ADGRA1: variants seen among roughly 807,000 people sequenced by gnomAD.
ADGRA1 encodes the protein adhesion G protein-coupled receptor A1, also known as G-protein coupled receptor 123.
In ADGRA1, 12 loss-of-function variants were observed where a neutral mutation model predicts 21.3. The observed-to-expected ratio is 0.56, with a 90% confidence interval of 0.36 to 0.91. The LOEUF (loss-of-function observed/expected upper bound fraction) is 0.91. Among genes scored for constraint, ADGRA1 ranks in the 40% least tolerant of loss-of-function variants. The pLI, the probability that ADGRA1 is intolerant of heterozygous loss-of-function variation, is 0.01. For missense variants in ADGRA1, 790 were observed against 805.6 expected, an observed-to-expected ratio of 0.98 and a Z score of 0.23; for synonymous variants, 385 against 368.8, an observed-to-expected ratio of 1.04 and a Z score of -0.50.
intron 2 of ADGRA1, among the ~76,000 whole-genome samples, chr10:133,096,625 G>A (rs951966440): frequency 6.6e-6 from 1 of 152,216 alleles, no homozygotes; most frequent in Non-Finnish European, 1.5e-5. Flanking sequence ...CTGGCCACCC[G>A]CAGGCCACGG....
chr10:133,104,559 C>G (rs555899933), intron 5 of ADGRA1, among the ~76,000 whole-genome samples: 2 of 152,290 alleles, frequency 1.3e-5, no homozygotes, highest in South Asian at 4.1e-4. Context: ...GCCATGGTGC[C>G]GAGGCGACTG....
chr10:133,097,397 TG>T (rs1851706664), intron 3 of ADGRA1, among the ~76,000 whole-genome samples: 1 of 152,124 alleles, frequency 6.6e-6, no homozygotes, highest in Non-Finnish European at 1.5e-5. Flanking sequence ...CAGAAATAGG[TG>T]TGGTGTCCGT....
In ADGRA1 at chr10:133,129,080, C is replaced by T. The variant is rs1228715480; in HGVS notation, c.1252C>T (p.Gln418Ter). The T allele has an allele frequency of 1.9e-6, 3 of 1,549,496 alleles. No individual in the cohort carries two copies. The highest frequency in any genetic ancestry group is 2.6e-6 in the Non-Finnish European group (3 of 1,144,940). The part of the protein sequence containing the change: ...GHDPHLHGCL[Q>*]GRTKPPYFSR... The stretch of plus-strand genomic sequence containing the variant: ...CGACCCCCACCTGCACGGGTGCCTT[C>T]AGGGCAGAACTAAGCCGCCCTACTT... Residue 418 changes from glutamine (Q) to a stop codon, truncating the protein, a stop_gained, in exon 7 of 7, where the codon CAG becomes TAG. Coordinates refer to ENST00000392607, the MANE Select transcript of ADGRA1 (RefSeq NM_001083909.3). LOFTEE classifies it low-confidence loss of function (END_TRUNC).
At chr10:133,105,241 C>T (rs892248784) in intron 5 of ADGRA1, among the ~76,000 whole-genome samples, 5 of 152,238 alleles carry the variant, frequency 3.3e-5, no homozygotes, top group African/African-American at 1.2e-4. Context: ...AATGCCCACA[C>T]CACTTCCTGC....
At chr10:133,114,095 A>C in intron 5 of ADGRA1, among the ~76,000 whole-genome samples, 1 of 152,214 alleles carries the variant, frequency 6.6e-6, no homozygotes, top group Non-Finnish European at 1.5e-5. Flanking sequence ...TGGCTGAGGA[A>C]GGGAGGAGGT....
chr10:133,115,107 C>T (rs112186447), intron 5 of ADGRA1, among the ~76,000 whole-genome samples: 6 of 152,172 alleles, frequency 3.9e-5, no homozygotes, highest in African/African-American at 1.4e-4. Flanking sequence ...TCGAGAGGGT[C>T]CCGGAAGGGC....
At chr10:133,091,996 C>T (rs1851603400) in intron 2 of ADGRA1, among the ~76,000 whole-genome samples, 1 of 152,164 alleles carries the variant, frequency 6.6e-6, no homozygotes, top group South Asian at 2.1e-4. Flanking sequence ...TGAAGAGAAC[C>T]AGGATCGGGT....
At chr10:133,097,702 A>C (rs1252540482) in intron 3 of ADGRA1, among the ~76,000 whole-genome samples, 1 of 152,228 alleles carries the variant, frequency 6.6e-6, no homozygotes, top group Non-Finnish European at 1.5e-5. Flanking sequence ...GGGCTGCTGC[A>C]GCAGAACACG....
In ADGRA1 at chr10:133,128,995, C is replaced by A; in HGVS notation, c.1167C>A (p.Cys389Ter). Reference sequence around the variant, plus strand: ...CCCCGTGCTGCGCCAAGATGCACTGCGAGCCACTGACGGCGGACGAGGCGC... The same window carrying A: ...CCCCGTGCTGCGCCAAGATGCACTGAGAGCCACTGACGGCGGACGAGGCGC... Reference protein sequence around the residue: ...PATPCCAKMHCEPLTADEAHV... With the variant: ...PATPCCAKMH Residue 389 changes from cysteine to a stop codon, truncating the protein, a stop_gained, in exon 7 of 7, where the codon TGC (cysteine) becomes TGA (stop). Transcript: ENST00000392607. LOFTEE classifies it low-confidence loss of function (END_TRUNC). 6.4e-7 allele frequency: 1 copy of A among 1,566,434 alleles called. No homozygotes were observed. Among genetic ancestry groups the A allele is most frequent in the South Asian group, 1.2e-5 (1 of 85,708 alleles).
In ADGRA1 at chr10:133,128,610, T is replaced by G; in HGVS notation, c.782T>G (p.Phe261Cys). Residue 261 changes from phenylalanine to cysteine, a missense_variant, in exon 7 of 7, where the codon TTC becomes TGC. Phe to Cys is a radical substitution (Grantham distance 205). This residue lies in a region of ADGRA1 where 382 missense variants were observed against 415.6 expected (regional missense o/e 0.92). Coordinates refer to ENST00000392607, the MANE Select transcript of ADGRA1 (RefSeq NM_001083909.3). ...CAGGCACAGCTGCGCGCCGCCGCCT[T>G]CACGCTGTTCCTGTTCACGGCCACG... ...SFQAQLRAAA[F>C]TLFLFTATWA... 6.2e-7 allele frequency: 1 copy of G among 1,603,508 alleles called. No individual in the cohort carries two copies. Among genetic ancestry groups the G allele is most frequent in the Non-Finnish European group, 8.5e-7 (1 of 1,176,980 alleles).
intron 3 of ADGRA1, 131 bp from the exon 4 acceptor site, chr10:133,098,509 G>A (rs992285227): frequency 4.4e-5 from 49 of 1,116,182 alleles, no homozygotes; most frequent in Middle Eastern, 3.0e-4. Context: ...CCGGGTCCTC[G>A]GACAGCTGCC....
chr10:133,094,227 T>G (rs2135865681), intron 2 of ADGRA1, among the ~76,000 whole-genome samples: 1 of 152,356 alleles, frequency 6.6e-6, no homozygotes, highest in Admixed American at 6.5e-5. Flanking sequence ...GCCTGCACCT[T>G]GCACTCGCGC....
At chr10:133,095,783 G>T in intron 2 of ADGRA1, 1 of 1,598,398 alleles carries the variant, frequency 6.3e-7, no homozygotes, top group South Asian at 1.1e-5. Context: ...CGACACAGGT[G>T]ACACTGCCTC....
At chr10:133,115,583 G>C (rs531887341) in intron 5 of ADGRA1, among the ~76,000 whole-genome samples, 12 of 152,330 alleles carry the variant, frequency 7.9e-5, no homozygotes, top group Non-Finnish European at 1.0e-4. Context: ...CCACCTCCTT[G>C]AAGACTTGGT....
At chr10:133,122,661 G>C (rs1351506004) in intron 5 of ADGRA1, among the ~76,000 whole-genome samples, 1 of 152,220 alleles carries the variant, frequency 6.6e-6, no homozygotes, top group African/African-American at 2.4e-5. Flanking sequence ...TGCTGTCTTG[G>C]CCGGACACAC....
chr10:133,129,798 G>T lies in ADGRA1; in HGVS notation c.*287G>T, dbSNP rs953289233. On this transcript the variant is annotated 3_prime_UTR_variant, in exon 7 of 7. Transcript: ENST00000392607. ...AATTCCGCGTGCTGGTCCCGCACAC[G>T]GTCATCCGGTTTCTGTCCTGTGGTC... 4 of 403,962 alleles carry T rather than the reference G, an allele frequency of 9.9e-6. No homozygotes were observed. The highest frequency in any genetic ancestry group is 1.4e-5 in the Non-Finnish European group (3 of 218,118). 25.0% of individuals were successfully genotyped at this position (403,962 alleles called of 1,614,324 possible).
At chr10:133,115,494 G>A (rs1314596001) in intron 5 of ADGRA1, among the ~76,000 whole-genome samples, 2 of 152,182 alleles carry the variant, frequency 1.3e-5, no homozygotes, top group Admixed American at 1.3e-4. Context: ...CAAAGGACAT[G>A]GTAGATCGGG....
At position 133,128,985 on chromosome 10, in the gene ADGRA1, A is replaced by T; in HGVS notation, c.1157A>T (p.Lys386Met). 6.4e-7 allele frequency: 1 copy of T among 1,565,882 alleles called. No individual in the cohort carries two copies. Among genetic ancestry groups the T allele is most frequent in the Middle Eastern group, 1.7e-4 (1 of 5,964 alleles). The change falls in exon 7 of 7, where the codon AAG (lysine) becomes ATG (methionine). Residue 386 changes from lysine to methionine, a missense_variant. Coordinates refer to ENST00000392607, the MANE Select transcript of ADGRA1 (RefSeq NM_001083909.3). ...CLSPATPCCA[K>M]MHCEPLTADE... ...TCACCGGCCACCCCGTGCTGCGCCA[A>T]GATGCACTGCGAGCCACTGACGGCG...
intron 2 of ADGRA1, among the ~76,000 whole-genome samples, chr10:133,089,622 C>T (rs1176803405): frequency 3.9e-5 from 6 of 152,210 alleles, no homozygotes; most frequent in Admixed American, 2.0e-4. Context: ...ACCCAGGGCA[C>T]GTGCAGAGAA....
Sources: allele counts gnomAD v4.1 joint callset (sites outside exome capture counted in the v4.1 genomes callset), GRCh38; gene constraint gnomAD v4.1.1; regional missense constraint gnomAD v4.1.1; transcripts MANE v1.5; gene names NCBI Gene and HGNC (gene_info 2026-07-23, HGNC 2026-07-21).